Variants in EDIL3 observed in about 807,000 individuals in gnomAD.
EDIL3 encodes the protein EGF like and discoidin domains 3, also known as EGF-like repeat and discoidin I-like domain-containing protein 3.
A neutral mutation model predicts 67.4 loss-of-function variants in EDIL3; 37 were observed. That is an observed-to-expected ratio of 0.55 (90% CI 0.42 to 0.72). The LOEUF is 0.72. EDIL3 is among the 30% of genes least tolerant of loss of function. EDIL3 has a pLI of 0.00. For synonymous variants in EDIL3, 195 were observed against 196.3 expected (o/e 0.99, Z 0.05); for missense variants, 527 against 586.3 (o/e 0.90, Z 1.04).
intron 1 of EDIL3, among the ~76,000 whole-genome samples, chr5:84,264,997 CAAG>C (rs1745318533): frequency 6.6e-6 from 1 of 152,068 alleles, no homozygotes; most frequent in Non-Finnish European, 1.5e-5. Context: ...CCAAGGAAAA[CAAG>C]TCAAACACAA....
intron 1 of EDIL3, among the ~76,000 whole-genome samples, chr5:84,339,207 A>C (rs1342821030): frequency 1.3e-5 from 2 of 152,150 alleles, no homozygotes; most frequent in Non-Finnish European, 2.9e-5. Context: ...AAATTTACTT[A>C]ACTTCTTTGT....
At chr5:84,118,909 T>C (rs1747721626) in intron 5 of EDIL3, among the ~76,000 whole-genome samples, 2 of 152,126 alleles carry the variant, frequency 1.3e-5, no homozygotes, top group African/African-American at 4.8e-5. Flanking sequence ...TTCTCAGTGA[T>C]ACCAATATAC....
At chr5:84,243,896 G>A (rs1374539154) in intron 2 of EDIL3, among the ~76,000 whole-genome samples, 1 of 152,088 alleles carries the variant, frequency 6.6e-6, no homozygotes, top group Non-Finnish European at 1.5e-5. Context: ...CTCATTATAT[G>A]ACTCATTTAA....
chr5:84,069,628 G>A (rs1468108091), intron 6 of EDIL3, among the ~76,000 whole-genome samples: 1 of 152,046 alleles, frequency 6.6e-6, no homozygotes, highest in Non-Finnish European at 1.5e-5. Context: ...CTCAATGCCA[G>A]AAAATTTGGA....
At chr5:84,050,197 CAAAAA>C (rs11335643) in intron 9 of EDIL3, among the ~76,000 whole-genome samples, 24 of 60,848 alleles carry the variant, frequency 3.9e-4, no homozygotes, top group African/African-American at 1.5e-3. Context: ...AACTCCATCT[CAAAAA>C]AAAAAAAAAA....
At chr5:84,356,891 T>TTC in intron 1 of EDIL3, among the ~76,000 whole-genome samples, 1 of 129,866 alleles carries the variant, frequency 7.7e-6, no homozygotes, top group African/African-American at 3.4e-5. Context: ...CTTTCTTTCT[T>TTC]TTTTTTTTTT....
At chr5:84,075,248 T>A (rs1270920585) in intron 6 of EDIL3, among the ~76,000 whole-genome samples, 1 of 151,920 alleles carries the variant, frequency 6.6e-6, no homozygotes, top group Non-Finnish European at 1.5e-5. Context: ...TACCTAATGC[T>A]AAATGACGAG....
chr5:84,168,449 G>A (rs1352580117), intron 4 of EDIL3, among the ~76,000 whole-genome samples: 1 of 151,954 alleles, frequency 6.6e-6, no homozygotes, highest in Non-Finnish European at 1.5e-5. Flanking sequence ...ACCTATATAT[G>A]TATGAACATA....
At chr5:84,099,863 A>G (rs1747330160) in intron 6 of EDIL3, among the ~76,000 whole-genome samples, 2 of 149,096 alleles carry the variant, frequency 1.3e-5, no homozygotes, top group African/African-American at 2.5e-5. Context: ...GAATCTACAA[A>G]GAACTTAAAC....
At chr5:84,086,413 C>T (rs921971946) in intron 6 of EDIL3, among the ~76,000 whole-genome samples, 2 of 152,160 alleles carry the variant, frequency 1.3e-5, no homozygotes, top group Non-Finnish European at 2.9e-5. Flanking sequence ...GGGCAGGTCC[C>T]CCGGCTCCTT....
intron 4 of EDIL3, among the ~76,000 whole-genome samples, chr5:84,176,484 A>G (rs971008051): frequency 5.3e-5 from 8 of 151,108 alleles, no homozygotes; most frequent in Non-Finnish European, 1.0e-4. Context: ...AAGGCTCTGG[A>G]GCTGTGCACA....
At chr5:84,258,463 C>T (rs1745162448) in intron 1 of EDIL3, among the ~76,000 whole-genome samples, 1 of 152,116 alleles carries the variant, frequency 6.6e-6, no homozygotes, top group African/African-American at 2.4e-5. Flanking sequence ...GAAGGAATTC[C>T]CCTAGGTCAG....
intron 9 of EDIL3, among the ~76,000 whole-genome samples, chr5:84,041,574 T>C (rs917663396): frequency 4.1e-5 from 6 of 146,132 alleles, no homozygotes; most frequent in African/African-American, 7.5e-5. Flanking sequence ...ATAGTATATA[T>C]ATGTATATAC....
chr5:84,149,655 C>T (rs1034687528), intron 4 of EDIL3, among the ~76,000 whole-genome samples: 1 of 151,364 alleles, frequency 6.6e-6, no homozygotes, highest in African/African-American at 2.4e-5. Flanking sequence ...ACTCAAGAAA[C>T]AAAAAAGATA....
intron 1 of EDIL3, among the ~76,000 whole-genome samples, chr5:84,382,453 G>A (rs1748099989): frequency 6.6e-6 from 1 of 152,090 alleles, no homozygotes; most frequent in African/African-American, 2.4e-5. Flanking sequence ...TAGGCTAGAC[G>A]CACTATCTTC....
intron 1 of EDIL3, 138 bp from the exon 2 acceptor site, chr5:84,254,350 C>T: frequency 1.0e-6 from 1 of 982,868 alleles, no homozygotes; most frequent in Non-Finnish European, 1.4e-6. Context: ...ATAAGATCTG[C>T]AAGACTCATT....
At chr5:84,066,722 T>A in intron 6 of EDIL3, 116 bp from the exon 7 acceptor site, 1 of 1,325,096 alleles carries the variant, frequency 7.5e-7, no homozygotes, top group Non-Finnish European at 1.0e-6. Flanking sequence ...CATAAAAAGC[T>A]AATAATTTTC....
chr5:84,229,631 A>C (rs538798712), intron 3 of EDIL3, among the ~76,000 whole-genome samples: 172 of 151,898 alleles, frequency 1.1e-3, no homozygotes, highest in African/African-American at 3.9e-3. Flanking sequence ...TTTCCTCTGT[A>C]TTAGTTCGTT....
intron 6 of EDIL3, among the ~76,000 whole-genome samples, chr5:84,077,600 A>C (rs940836895): frequency 6.6e-6 from 1 of 152,114 alleles, no homozygotes; most frequent in African/African-American, 2.4e-5. Flanking sequence ...GTTATCCACT[A>C]TCATGAGAAC....
Sources: gnomAD v4.1 joint callset for allele counts (sites outside exome capture counted in the v4.1 genomes callset) on GRCh38, gnomAD v4.1.1 for gene constraint, MANE v1.5 for transcripts, NCBI Gene and HGNC (gene_info 2026-07-23, HGNC 2026-07-21) for gene names.